The following ZNF366 variants were observed in gnomAD, a reference collection of about 807,000 sequenced individuals.
ZNF366 encodes the protein dendritic cell-specific transcript protein.
Under a neutral mutation model 47.2 loss-of-function variants are expected in ZNF366, and 20 were observed. The ratio of observed to expected loss-of-function variants is 0.42; its 90% CI spans 0.30 to 0.62. ZNF366 has a LOEUF of 0.62. Among genes scored for constraint, ZNF366 ranks in the 20% least tolerant of loss-of-function variants. The probability of loss-of-function intolerance (pLI) is 0.16; values close to 1 mark genes in which losing one functional copy is unlikely to be tolerated. For synonymous variants in ZNF366, 421 were observed against 395.1 expected (o/e 1.07, Z -0.78); for missense variants, 987 against 976.3 (o/e 1.01, Z -0.15).
intron 1 of ZNF366, among the ~76,000 whole-genome samples, chr5:72,463,301 AC>A (rs2112330836): frequency 6.6e-6 from 1 of 152,284 alleles, no homozygotes; most frequent in African/African-American, 2.4e-5. Context: ...TTGTTTGGTT[AC>A]CTAGTCTATA....
chr5:72,470,838 G>T (rs1021369486), intron 1 of ZNF366, among the ~76,000 whole-genome samples: 1 of 152,164 alleles, frequency 6.6e-6, no homozygotes, highest in Non-Finnish European at 1.5e-5. Context: ...GCAGGGACTG[G>T]GGTAGTGCTC....
rs112410709 is a variant in ZNF366 at position 72,442,786 on chromosome 5, G to A, written c.*970C>T. On this transcript the variant is annotated 3_prime_UTR_variant, in exon 5 of 5. Transcript: ENST00000318442. Reference sequence around the variant, plus strand: ...AACGATTCTCCTGCTTCAGCCTCCCGAGTAGCTGGAACTACAGGCTCCTGC... The same window carrying A: ...AACGATTCTCCTGCTTCAGCCTCCCAAGTAGCTGGAACTACAGGCTCCTGC... 0.014 allele frequency: 2,130 copies of A among 151,754 alleles called. 14 individuals carry two copies. Among genetic ancestry groups the A allele is most frequent in the African/African-American group, 0.029 (1,209 of 41,292 alleles). 9.4% of individuals were successfully genotyped at this position (151,754 alleles called of 1,614,324 possible).
Position 72,456,611 on chromosome 5 carries a change from A to G in ZNF366, c.1333-16T>C, listed in dbSNP as rs1035288154. 3 of 1,564,962 alleles carry G rather than the reference A, an allele frequency of 1.9e-6. No individual in the cohort carries two copies. Among genetic ancestry groups the G allele is most frequent in the Admixed American group, 1.7e-5 (1 of 58,614 alleles). ...CCTTCACACCCTGCAGGGAGGCAAGATTCAGAAAAGTGGTGATTGACAGGT... is the reference window on the plus strand; with the variant it reads ...CCTTCACACCCTGCAGGGAGGCAAGGTTCAGAAAAGTGGTGATTGACAGGT... On this transcript the variant is annotated splice_polypyrimidine_tract_variant and intron_variant, in intron 2 of 4. Transcript: ENST00000318442.
chr5:72,458,475 A>C (rs1743235030), intron 2 of ZNF366, among the ~76,000 whole-genome samples: 2 of 152,222 alleles, frequency 1.3e-5, no homozygotes, highest in Non-Finnish European at 2.9e-5. Context: ...AATGCAAATG[A>C]GCAGGAGCCT....
At chr5:72,486,530 C>T (rs1358630809) in intron 1 of ZNF366, among the ~76,000 whole-genome samples, 1 of 152,224 alleles carries the variant, frequency 6.6e-6, no homozygotes, top group East Asian at 1.9e-4. Context: ...ACATTCTCTC[C>T]CTTCCCAAGG....
intron 1 of ZNF366, among the ~76,000 whole-genome samples, chr5:72,474,847 A>T (rs115018409): frequency 0.01 from 1,556 of 152,276 alleles, 25 homozygotes; most frequent in Non-Finnish European, 0.012. Context: ...TCCACTTACT[A>T]TTTGGAATTC....
At chr5:72,474,768 T>C (rs1158741518) in intron 1 of ZNF366, among the ~76,000 whole-genome samples, 24 of 152,138 alleles carry the variant, frequency 1.6e-4, no homozygotes, top group Admixed American at 1.4e-3. Context: ...TTCAAAGATA[T>C]AGTTCCCTTA....
At chr5:72,486,823 T>C (rs1215473830) in intron 1 of ZNF366, among the ~76,000 whole-genome samples, 1 of 152,120 alleles carries the variant, frequency 6.6e-6, no homozygotes, top group African/African-American at 2.4e-5. Context: ...TCACCTAGGC[T>C]GGAGTGCAAT....
intron 1 of ZNF366, among the ~76,000 whole-genome samples, chr5:72,491,942 C>T (rs1368339774): frequency 2.0e-5 from 3 of 152,154 alleles, no homozygotes; most frequent in African/African-American, 7.2e-5. Context: ...CTGGCCAAAA[C>T]CCCTGGGATG....
intron 1 of ZNF366, among the ~76,000 whole-genome samples, chr5:72,491,988 G>C (rs1348017085): frequency 6.6e-6 from 1 of 152,126 alleles, no homozygotes; most frequent in Non-Finnish European, 1.5e-5. Flanking sequence ...CAAACATATG[G>C]ACAGGAAAAA....
chr5:72,492,036 GGA>G (rs1211621812), intron 1 of ZNF366, among the ~76,000 whole-genome samples: 1 of 152,172 alleles, frequency 6.6e-6, no homozygotes. Flanking sequence ...CTACTAGTGA[GGA>G]GACATAAAAC....
intron 4 of ZNF366, among the ~76,000 whole-genome samples, chr5:72,444,496 T>C (rs939303452): frequency 2.6e-5 from 4 of 152,226 alleles, no homozygotes; most frequent in Non-Finnish European, 4.4e-5. Flanking sequence ...TTTGGCAACA[T>C]GCACCAAAAG....
At position 72,460,407 on chromosome 5, in the gene ZNF366, C is replaced by T. The variant is rs866926112; in HGVS notation, c.1090G>A (p.Glu364Lys). ...AHEAKHASGR[E>K]NICVECGLDF... ...AGGCCGCACTCCACACAGATGTTCT[C>T]GCGCCCACTGGCGTGCTTGGCTTCG... Residue 364 changes from glutamate to lysine, a missense_variant, in exon 2 of 5, where the codon GAG becomes AAG. Glu to Lys is a moderately conservative substitution (Grantham distance 56). Coordinates refer to ENST00000318442, the MANE Select transcript of ZNF366 (RefSeq NM_152625.3). 1 of 1,614,118 alleles carries T rather than the reference C, an allele frequency of 6.2e-7. No homozygotes were observed. The highest frequency in any genetic ancestry group is 1.3e-5 in the African/African-American group (1 of 74,958).
At chr5:72,500,104 C>T (rs900078404) in intron 1 of ZNF366, among the ~76,000 whole-genome samples, 1 of 152,204 alleles carries the variant, frequency 6.6e-6, no homozygotes, top group Admixed American at 6.5e-5. Context: ...TCCTCTTTGG[C>T]TGTGATGCTG....
At position 72,461,149 on chromosome 5, in the gene ZNF366, G is replaced by A. The variant is rs745942999; in HGVS notation, c.348C>T (p.Phe116=). The change falls in exon 2 of 5, where the codon TTC becomes TTT. Residue 116 remains phenylalanine (F), a synonymous_variant. Coordinates refer to ENST00000318442, the MANE Select transcript of ZNF366 (RefSeq NM_152625.3). ...NHGLPNLPLL[F]PQPPRPKYDS... is the part of the protein sequence containing the mutation. ...CATACTTGGGGCGCGGGGGCTGCGG[G>A]AACAGCAAAGGGAGGTTGGGAAGGC... 14 of 1,614,064 alleles carry A rather than the reference G, an allele frequency of 8.7e-6. No individual in the cohort carries two copies. In the East Asian group the frequency reaches 2.9e-4, roughly 33 times the overall value.
chr5:72,459,417 C>T (rs1251338159), intron 2 of ZNF366, among the ~76,000 whole-genome samples: 2 of 152,144 alleles, frequency 1.3e-5, no homozygotes, highest in Non-Finnish European at 2.9e-5. Context: ...ACCACTAGGG[C>T]CTTGTTTTAG....
Position 72,460,636 on chromosome 5 carries a change from C to T in ZNF366, c.861G>A (p.Gly287=), listed in dbSNP as rs1242858483. ...GIKPHACTHC[G]KLFKQLSHLH... ...GGTGGCTGAGCTGCTTGAAGAGCTT[C>T]CCGCAGTGCGTGCACGCGTGCGGCT... The change falls in exon 2 of 5, where the codon GGG becomes GGA. Residue 287 remains glycine, a synonymous_variant. Transcript: ENST00000318442. 2 of 1,614,204 alleles carry T rather than the reference C, an allele frequency of 1.2e-6. No individual in the cohort carries two copies. Among genetic ancestry groups the T allele is most frequent in the African/African-American group, 1.3e-5 (1 of 75,072 alleles).
chr5:72,447,589 G>A (rs1179966801), intron 3 of ZNF366, among the ~76,000 whole-genome samples, 172 bp from the exon 4 acceptor site: 1 of 152,222 alleles, frequency 6.6e-6, no homozygotes, highest in African/African-American at 2.4e-5. Context: ...GGAGCAAGTA[G>A]GGGTAGATTC....
At position 72,443,859 on chromosome 5, in the gene ZNF366, C is replaced by A; in HGVS notation, c.2132G>T (p.Gly711Val). The part of the protein sequence containing the change: ...SLRAFQSTRR[G>V]PSFSDYLYFK... Reference sequence around the variant, plus strand: ...GTATAAGTAATCAGAAAAAGAGGGGCCCCGCCGGGTACTCTGAAAAGCCCT... The same window carrying A: ...GTATAAGTAATCAGAAAAAGAGGGGACCCGCCGGGTACTCTGAAAAGCCCT... The change falls in exon 5 of 5, where the codon GGC becomes GTC. Residue 711 changes from glycine (G) to valine (V), a missense_variant. By Grantham distance (109) the Gly-to-Val change is moderately radical. This residue lies in a region of ZNF366 where 285 missense variants were observed against 234.8 expected (regional missense o/e 1.21). Coordinates refer to ENST00000318442, the MANE Select transcript of ZNF366 (RefSeq NM_152625.3). The A allele has an allele frequency of 6.2e-7, 1 of 1,614,154 alleles. No homozygotes were observed. The highest frequency in any genetic ancestry group is 1.7e-5 in the Admixed American group (1 of 60,022).
Sources: allele counts gnomAD v4.1 joint callset (sites outside exome capture counted in the v4.1 genomes callset), GRCh38; gene constraint gnomAD v4.1.1; regional missense constraint gnomAD v4.1.1; transcripts MANE v1.5; gene names NCBI Gene and HGNC (gene_info 2026-07-23, HGNC 2026-07-21).